The following EXOC6B variants were observed in gnomAD, a reference collection of about 807,000 sequenced individuals.
EXOC6B encodes the protein SEC15 homolog B.
EXOC6B carries 54 observed loss-of-function variants against 113.5 expected under a neutral mutation model. The observed-to-expected ratio is 0.48, with a 90% CI of 0.38 to 0.60. EXOC6B has a LOEUF of 0.60. Among genes scored for constraint, EXOC6B ranks in the 20% least tolerant of loss-of-function variants. The probability of loss-of-function intolerance (pLI) is 0.00; values close to 1 mark genes in which losing one functional copy is unlikely to be tolerated. For missense variants in EXOC6B, 797 were observed against 977.5 expected, an observed-to-expected ratio of 0.82 and a Z score of 2.46; for synonymous variants, 357 against 339.0, an observed-to-expected ratio of 1.05 and a Z score of -0.58.
At chr2:72,681,913 T>G (rs1676728990) in intron 6 of EXOC6B, among the ~76,000 whole-genome samples, 1 of 151,934 alleles carries the variant, frequency 6.6e-6, no homozygotes, top group African/African-American at 2.4e-5. Context: ...ATGACAACTC[T>G]TCCACTAAAT....
chr2:72,472,474 T>C (rs1212621887), intron 17 of EXOC6B, among the ~76,000 whole-genome samples: 1 of 152,164 alleles, frequency 6.6e-6, no homozygotes, highest in African/African-American at 2.4e-5. Flanking sequence ...TTCCTACAGA[T>C]TTTCCACTGG....
intron 19 of EXOC6B, among the ~76,000 whole-genome samples, chr2:72,342,416 A>G (rs1689082787): frequency 6.6e-6 from 1 of 152,178 alleles, no homozygotes; most frequent in Admixed American, 6.6e-5. Flanking sequence ...ACAAATGACT[A>G]TTGGGTATAT....
intron 1 of EXOC6B, among the ~76,000 whole-genome samples, chr2:72,742,841 C>A (rs1681413537): frequency 2.0e-5 from 3 of 152,162 alleles, no homozygotes; most frequent in Admixed American, 2.0e-4. Flanking sequence ...ATTTCCTAAT[C>A]TATAATTCAG....
chr2:72,413,469 C>T (rs577327968), intron 18 of EXOC6B, among the ~76,000 whole-genome samples: 74 of 150,000 alleles, frequency 4.9e-4, no homozygotes, highest in South Asian at 8.4e-4. Flanking sequence ...GGGCAGATCA[C>T]GAGGTCAGAT....
At chr2:72,487,668 C>G (rs1050929057) in intron 16 of EXOC6B, among the ~76,000 whole-genome samples, 2 of 152,162 alleles carry the variant, frequency 1.3e-5, no homozygotes, top group Non-Finnish European at 2.9e-5. Flanking sequence ...CCTACACTGA[C>G]AGTTTTAAGG....
intron 18 of EXOC6B, among the ~76,000 whole-genome samples, chr2:72,429,480 A>C (rs537145330): frequency 1.0e-3 from 154 of 152,344 alleles, no homozygotes; most frequent in African/African-American, 3.6e-3. Context: ...AGCAGGTAAG[A>C]CATTAATGAT....
chr2:72,548,795 T>C (rs757656727), intron 8 of EXOC6B, among the ~76,000 whole-genome samples: 2 of 152,126 alleles, frequency 1.3e-5, no homozygotes, highest in African/African-American at 4.8e-5. Context: ...ATTTAGAATA[T>C]GATGATATAA....
chr2:72,494,798 T>G (rs139975992), intron 15 of EXOC6B, among the ~76,000 whole-genome samples: 35 of 152,266 alleles, frequency 2.3e-4, no homozygotes, highest in African/African-American at 7.7e-4. Flanking sequence ...TTTCAGCAAC[T>G]TAATTATTTC....
At position 72,466,217 on chromosome 2, in the gene EXOC6B, A is replaced by C. The variant is rs576138920; in HGVS notation, c.1801-878T>G. On this transcript the variant is annotated intron_variant, in intron 17 of 21. Transcript: ENST00000272427. ...AAAATTAGCTGGGCATGGTGGTGGGAGCCTGTAATCCCAGCTACTCAGGAG... is the reference window on the plus strand; with the variant it reads ...AAAATTAGCTGGGCATGGTGGTGGGCGCCTGTAATCCCAGCTACTCAGGAG... Among the ~76,000 whole-genome samples the C allele has an allele frequency of 5.9e-5, 9 of 151,434 alleles. No homozygotes were observed. The East Asian group carries it at 1.8e-3, about 30-fold the overall frequency.
chr2:72,636,514 G>A (rs927941530), intron 6 of EXOC6B, among the ~76,000 whole-genome samples: 2 of 130,296 alleles, frequency 1.5e-5, no homozygotes, highest in African/African-American at 4.4e-5. Context: ...AGGAGAGAAA[G>A]AAGGAAGAAG....
rs79389362 is a variant in EXOC6B at position 72,556,234 on chromosome 2, T to C, written c.915+3219A>G. On this transcript the variant is annotated intron_variant, in intron 8 of 21. Transcript: ENST00000272427. ...GTTATGAGACTTTTAGCCAAAGCTC[T>C]AGAAGAGCTATGCCTGGGAAAGCTT... 3.6e-3 allele frequency among the ~76,000 whole-genome samples: 551 copies of C among 152,322 alleles called. 25 individuals are homozygous for C. The East Asian group carries it at 0.084, about 23-fold the overall frequency.
chr2:72,270,202 T>A (rs1684399701), intron 20 of EXOC6B, among the ~76,000 whole-genome samples: 1 of 152,068 alleles, frequency 6.6e-6, no homozygotes, highest in South Asian at 2.1e-4. Context: ...CAATGAGATT[T>A]CCTGTTGGCA....
rs560047124 is a variant in EXOC6B at position 72,464,187 on chromosome 2, C to A, written c.1980+973G>T. 3.3e-5 allele frequency: 5 copies of A among 152,186 alleles called. No homozygotes were observed. In the East Asian group the frequency reaches 5.8e-4, roughly 18 times the overall value. The allele number at this position is 152,186 out of a possible 1,614,324, so 9.4% of individuals were successfully genotyped here. A position where few individuals can be genotyped will look rare whatever the true frequency, so the allele number is the denominator to read the frequency against. ...GGATGGTAAAGTAACACTGACAATC[C>A]CCAACACTTTTTTTCCCATCAGCAA... On this transcript the variant is annotated intron_variant, in intron 18 of 21. Transcript: ENST00000272427.
intron 3 of EXOC6B, among the ~76,000 whole-genome samples, chr2:72,732,239 C>G (rs1384556078): frequency 1.3e-5 from 2 of 152,124 alleles, no homozygotes; most frequent in Non-Finnish European, 2.9e-5. Context: ...ACCTCAAACT[C>G]CTGGGCTTAA....
chr2:72,718,014 T>C, intron 6 of EXOC6B, 89 bp downstream of exon 6: 1 of 902,044 alleles, frequency 1.1e-6, no homozygotes. Flanking sequence ...TTGGATAAGA[T>C]AATGACTAGA....
At chr2:72,435,904 G>A (rs1695835354) in intron 18 of EXOC6B, among the ~76,000 whole-genome samples, 2 of 152,080 alleles carry the variant, frequency 1.3e-5, no homozygotes, top group African/African-American at 4.8e-5. Context: ...TACATTTAAG[G>A]TTAATATTGT....
At chr2:72,393,325 A>T (rs1423441761) in intron 18 of EXOC6B, among the ~76,000 whole-genome samples, 1 of 151,774 alleles carries the variant, frequency 6.6e-6, no homozygotes, top group Non-Finnish European at 1.5e-5. Flanking sequence ...CGAACTCCTG[A>T]CCTCGTGATC....
At chr2:72,657,567 CTTTTTTTTTTTTTTTTT>C (rs70963136) in intron 6 of EXOC6B, among the ~76,000 whole-genome samples, 1 of 50,356 alleles carries the variant, frequency 2.0e-5, no homozygotes, top group Non-Finnish European at 3.2e-5. Context: ...CTTTCCTTTT[CTTTTTTTTTTTTTTTTT>C]TTTTTTTTTT....
intron 19 of EXOC6B, among the ~76,000 whole-genome samples, chr2:72,335,866 A>G (rs866586199): frequency 6.6e-5 from 10 of 152,296 alleles, no homozygotes; most frequent in Middle Eastern, 3.4e-3. Context: ...CACCTTGGGT[A>G]CATGCTCAGT....
Sources: allele counts gnomAD v4.1 joint callset (sites outside exome capture counted in the v4.1 genomes callset), GRCh38; gene constraint gnomAD v4.1.1; transcripts MANE v1.5; gene names NCBI Gene and HGNC (gene_info 2026-07-23, HGNC 2026-07-21).